Variants in TUBB8B observed in about 807,000 individuals in gnomAD.
TUBB8B encodes the protein HSA18p11 beta-tubulin 4Q pseudogene.
TUBB8B carries 26 observed loss-of-function variants against 31.9 expected under a neutral mutation model. The observed-to-expected ratio is 0.81, with a 90% CI of 0.60 to 1.13. TUBB8B has a LOEUF of 1.13. TUBB8B is among the 50% of genes most tolerant of loss of function. The pLI is 0.00. For synonymous variants in TUBB8B, 173 were observed against 231.0 expected, an observed-to-expected ratio of 0.75 and a Z score of 2.28; for missense variants, 467 against 586.7, an observed-to-expected ratio of 0.80 and a Z score of 2.11.
chr18:63,526 C>T, the TUBB8B span, among the ~76,000 whole-genome samples: 1 of 151,674 alleles, frequency 6.6e-6, no homozygotes, highest in Admixed American at 6.6e-5. Flanking sequence ...TGAGACTGCG[C>T]TGGTTCACAC....
At chr18:63,714 A>AACCCTAACCCCTAACCCTAACTCTAACC in the TUBB8B span, among the ~76,000 whole-genome samples, 11 of 137,522 alleles carry the variant, frequency 8.0e-5, 2 homozygotes, top group African/African-American at 3.2e-4. Flanking sequence ...TAACCCTAAC[A>AACCCTAACCCCTAACCCTAACTCTAACC]CTAACCCTAA....
At chr18:50,690 C>T (rs546985503), upstream of TUBB8B, 60 of 152,046 alleles carry the variant, frequency 3.9e-4, no homozygotes, top group African/African-American at 1.4e-3. Context: ...GGGCCCTGGA[C>T]TGAAATGCAA....
At chr18:63,427 T>C in the TUBB8B span, among the ~76,000 whole-genome samples, 3 of 151,648 alleles carry the variant, frequency 2.0e-5, no homozygotes, top group African/African-American at 4.8e-5. Flanking sequence ...CTTCCCTTTC[T>C]TTCTCTGAAA....
At chr18:65,585 G>A in the TUBB8B span, among the ~76,000 whole-genome samples, 2 of 152,002 alleles carry the variant, frequency 1.3e-5, no homozygotes, top group Admixed American at 6.6e-5. Context: ...CACCACAATC[G>A]GACTTCAGCA....
At chr18:56,877 AAAAT>A in the TUBB8B span, among the ~76,000 whole-genome samples, 13 of 151,934 alleles carry the variant, frequency 8.6e-5, no homozygotes, top group Non-Finnish European at 1.8e-4. Context: ...ATCAAGGTGA[AAAAT>A]AAATCTGGTG....
the TUBB8B span, among the ~76,000 whole-genome samples, chr18:71,655 G>A: frequency 1.6e-4 from 21 of 131,402 alleles, no homozygotes; most frequent in Non-Finnish European, 2.1e-4. Flanking sequence ...AGGCCAAGGC[G>A]GGTGGATCAC....
chr18:61,022 T>C, the TUBB8B span, among the ~76,000 whole-genome samples: 2 of 151,762 alleles, frequency 1.3e-5, no homozygotes, highest in Non-Finnish European at 2.9e-5. Context: ...ATTTTCTGTC[T>C]GGAAGGTCTA....
the TUBB8B span, among the ~76,000 whole-genome samples, chr18:67,465 A>G: frequency 4.1e-3 from 624 of 151,812 alleles, 1 homozygote; most frequent in African/African-American, 0.014. Context: ...CTCAGTCTCT[A>G]GAGTAACTGG....
intron 3 of TUBB8B, 139 bp from the exon 4 acceptor site, chr18:48,586 T>C: frequency 1.4e-6 from 1 of 737,370 alleles, no homozygotes; most frequent in Non-Finnish European, 2.4e-6. Flanking sequence ...TGAAACTCCC[T>C]CCTCCAGAGT....
Position 47,959 on chromosome 18 carries a change from T to C in TUBB8B, c.766A>G (p.Asn256Asp), listed in dbSNP as rs772224338. The part of the protein sequence containing the change: ...LNADLRKLAV[N>D]MVPFPRLHFF... ...TGCAGCCGGGGAAACGGGACCATGT[T>C]CACGGCCAGCTTCCGCAGGTCAGCA... The change falls in exon 4 of 4, where the codon AAC becomes GAC. Residue 256 changes from asparagine (N) to aspartate (D), a missense_variant. Asn to Asp is a conservative substitution (Grantham distance 23). Coordinates refer to ENST00000308911, the MANE Select transcript of TUBB8B (RefSeq NM_001358689.2). 1.6e-5 allele frequency: 26 copies of C among 1,611,422 alleles called. No individual in the cohort carries two copies. Among genetic ancestry groups the C allele is most frequent in the Non-Finnish European group, 2.0e-5 (24 of 1,179,906 alleles).
At chr18:69,375 G>A in the TUBB8B span, among the ~76,000 whole-genome samples, 1 of 152,184 alleles carries the variant, frequency 6.6e-6, no homozygotes, top group Non-Finnish European at 1.5e-5. Context: ...GAAGCGGGAG[G>A]ATGGCTTGAG....
At chr18:55,652 G>C in the TUBB8B span, among the ~76,000 whole-genome samples, 3 of 151,686 alleles carry the variant, frequency 2.0e-5, no homozygotes, top group African/African-American at 7.3e-5. Flanking sequence ...CTTCTACCAA[G>C]TCTCTCCCTC....
the TUBB8B span, among the ~76,000 whole-genome samples, chr18:72,449 T>G: frequency 2.0e-5 from 3 of 151,206 alleles, no homozygotes; most frequent in Non-Finnish European, 4.4e-5. Context: ...ACACTGTAAA[T>G]TAAACAGACT....
At chr18:66,996 GTT>G in the TUBB8B span, among the ~76,000 whole-genome samples, 1 of 139,674 alleles carries the variant, frequency 7.2e-6, no homozygotes, top group Non-Finnish European at 1.6e-5. Flanking sequence ...TGTTTTTTTT[GTT>G]TTTTTTTTTT....
chr18:71,017 G>A, the TUBB8B span, among the ~76,000 whole-genome samples: 34 of 152,028 alleles, frequency 2.2e-4, 1 homozygote, highest in African/African-American at 7.2e-4. Flanking sequence ...GGAGGCTGAC[G>A]TGTAAGAATC....
At chr18:72,361 G>C in the TUBB8B span, among the ~76,000 whole-genome samples, 4 of 152,102 alleles carry the variant, frequency 2.6e-5, no homozygotes, top group African/African-American at 9.6e-5. Context: ...GTCAAAGCTT[G>C]ATATAGTTAA....
At position 47,430 on chromosome 18, in the gene TUBB8B, T is replaced by TC; in HGVS notation, c.1294dup (p.Glu432GlyfsTer5). ...CTCGGCATACTCCTCATCCTCCTCC[T>TC]CCTCGGCCGTGGCATCCTGATATTG... On this transcript the variant is annotated frameshift_variant, in exon 4 of 4. Coordinates refer to ENST00000308911, the MANE Select transcript of TUBB8B (RefSeq NM_001358689.2). LOFTEE classifies it high-confidence loss of function. 1.5e-6 allele frequency: 2 copies of TC among 1,317,650 alleles called. No homozygotes were observed. Among genetic ancestry groups the TC allele is most frequent in the Non-Finnish European group, 2.2e-6 (2 of 922,706 alleles). 81.6% of individuals were successfully genotyped at this position (1,317,650 alleles called of 1,614,324 possible). A position where few individuals can be genotyped will look rare whatever the true frequency, so the allele number is the denominator to read the frequency against.
chr18:63,425 T>A, the TUBB8B span, among the ~76,000 whole-genome samples: 3 of 151,666 alleles, frequency 2.0e-5, no homozygotes, highest in Non-Finnish European at 4.4e-5. Flanking sequence ...CTCTTCCCTT[T>A]CTTTCTCTGA....
upstream of TUBB8B, chr18:49,932 C>G: frequency 2.1e-6 from 1 of 476,028 alleles, no homozygotes; most frequent in East Asian, 6.6e-5. Context: ...GCCTTTGCAC[C>G]TGTCCTAGAT....
Sources: allele counts gnomAD v4.1 joint callset (sites outside exome capture counted in the v4.1 genomes callset), GRCh38; gene constraint gnomAD v4.1.1; transcripts MANE v1.5; gene names NCBI Gene and HGNC (gene_info 2026-07-23, HGNC 2026-07-21).